ONECUT1: variants seen among roughly 807,000 people sequenced by gnomAD.
The protein encoded by ONECUT1 is one cut homeobox 1.
ONECUT1 carries 12 observed loss-of-function variants against 25.6 expected under a neutral mutation model. The observed-to-expected ratio is 0.47, with a 90% CI of 0.30 to 0.76. The LOEUF (loss-of-function observed/expected upper bound fraction) is 0.76. Ranked by LOEUF, ONECUT1 falls within the 30% of genes least tolerant of loss-of-function variation. The pLI is 0.07. For missense variants in ONECUT1, 620 were observed against 651.2 expected, an observed-to-expected ratio of 0.95 and a Z score of 0.52; for synonymous variants, 285 against 270.2, an observed-to-expected ratio of 1.05 and a Z score of -0.54.
Position 52,789,350 on chromosome 15 carries a change from G to C in ONECUT1, c.535C>G (p.Leu179Val), listed in dbSNP as rs1177841928. The C allele has an allele frequency of 1.9e-6, 3 of 1,599,784 alleles. No homozygotes were observed. The highest frequency in any genetic ancestry group is 2.2e-5 in the East Asian group (1 of 44,626). Residue 179 changes from leucine to valine, a missense_variant, in exon 1 of 2, where the codon CTC becomes GTC. Leu to Val is a conservative substitution (Grantham distance 32, BLOSUM62 1). Around this residue, in one of 4 missense-constraint regions of ONECUT1, gnomAD observed 440 missense variants for 404.9 expected, o/e 1.09. Transcript: ENST00000305901. The surrounding 1 kb of genome is among the most constrained non-coding windows in gnomAD (Gnocchi z 4.1). ...AGACCGGAGCTGGAGAGGGGCGAGA[G>C]GCTCTGGCCCATGCCGGCCACGTCC... ...HKDVAGMGQS[L>V]SPLSSSGLGS...
intron 1 of ONECUT1, among the ~76,000 whole-genome samples, chr15:52,774,386 C>T (rs1183420426): frequency 1.3e-5 from 2 of 152,054 alleles, no homozygotes; most frequent in South Asian, 2.1e-4. Flanking sequence ...TTGCAACCTC[C>T]GCCTCCAGGG....
chr15:52,778,262 T>C (rs1405707056), intron 1 of ONECUT1, among the ~76,000 whole-genome samples: 1 of 152,242 alleles, frequency 6.6e-6, no homozygotes, highest in African/African-American at 2.4e-5. Context: ...CCCTATCCTC[T>C]AAATTTATGT....
At chr15:52,785,946 C>T (rs2083872012) in intron 1 of ONECUT1, 2 of 152,300 alleles carry the variant, frequency 1.3e-5, no homozygotes, top group South Asian at 2.1e-4. Flanking sequence ...GACAGAGGGG[C>T]GTGGAGAAGC....
intron 1 of ONECUT1, among the ~76,000 whole-genome samples, chr15:52,771,597 G>GT (rs35410788): frequency 0.56 from 84,306 of 150,370 alleles, 23,680 homozygotes; most frequent in East Asian, 0.66. Flanking sequence ...AGTAATGTCT[G>GT]TTTTTTTTTA....
At chr15:52,774,360 G>T (rs888585587) in intron 1 of ONECUT1, among the ~76,000 whole-genome samples, 13 of 151,976 alleles carry the variant, frequency 8.6e-5, no homozygotes, top group Admixed American at 1.3e-4. Flanking sequence ...GAGTGCAATG[G>T]CTTGATCTTG....
intron 1 of ONECUT1, among the ~76,000 whole-genome samples, chr15:52,772,895 C>G (rs955939061): frequency 7.2e-5 from 11 of 152,124 alleles, no homozygotes; most frequent in African/African-American, 2.7e-4. Context: ...CATGAGTGCA[C>G]ACACACATAC....
chr15:52,775,896 G>A (rs1207328415), intron 1 of ONECUT1, among the ~76,000 whole-genome samples: 1 of 152,180 alleles, frequency 6.6e-6, no homozygotes, highest in Non-Finnish European at 1.5e-5. Flanking sequence ...CTACTCTGCT[G>A]TTCTCTTTGT....
In ONECUT1 at chr15:52,788,469, G is replaced by A. The variant is rs530316528; in HGVS notation, c.1105+311C>T. ...TGGCGCAGAGTGTCTCACCAGGTGCGGGGATTTCTCTCCGCCTCAGGCCGT... is the reference window on the plus strand; with the variant it reads ...TGGCGCAGAGTGTCTCACCAGGTGCAGGGATTTCTCTCCGCCTCAGGCCGT... On this transcript the variant is annotated intron_variant, in intron 1 of 1. Coordinates refer to ENST00000305901, the MANE Select transcript of ONECUT1 (RefSeq NM_004498.4). The surrounding 1 kb of genome is among the most constrained non-coding windows in gnomAD (Gnocchi z 4.3). 3 of 358,932 alleles carry A rather than the reference G, an allele frequency of 8.4e-6. No homozygotes were observed. The highest frequency in any genetic ancestry group is 8.5e-5 in the East Asian group (2 of 23,560). The allele number at this position is 358,932 out of a possible 1,614,324, so 22.2% of individuals were successfully genotyped here. A position where few individuals can be genotyped will look rare whatever the true frequency, so the allele number is the denominator to read the frequency against.
chr15:52,779,717 T>A (rs889992331), intron 1 of ONECUT1, among the ~76,000 whole-genome samples: 2 of 152,186 alleles, frequency 1.3e-5, no homozygotes, highest in African/African-American at 4.8e-5. Context: ...GCACTCATAA[T>A]TAGGCTATAC....
intron 1 of ONECUT1, among the ~76,000 whole-genome samples, chr15:52,758,342 A>C (rs1039955346): frequency 2.0e-5 from 3 of 152,230 alleles, no homozygotes; most frequent in African/African-American, 2.4e-5. Flanking sequence ...TGCCAGTAGA[A>C]TATTAAGAGC....
intron 1 of ONECUT1, among the ~76,000 whole-genome samples, chr15:52,760,159 C>T (rs1417862025): frequency 6.6e-6 from 1 of 152,116 alleles, no homozygotes; most frequent in Non-Finnish European, 1.5e-5. Flanking sequence ...TGCCTCTTGC[C>T]CACCATGAGG....
intron 1 of ONECUT1, among the ~76,000 whole-genome samples, chr15:52,763,958 G>A (rs944830426): frequency 6.6e-6 from 1 of 152,142 alleles, no homozygotes; most frequent in African/African-American, 2.4e-5. Flanking sequence ...AAACCAACAA[G>A]CTAGTCCTTC....
intron 1 of ONECUT1, among the ~76,000 whole-genome samples, chr15:52,762,215 A>G (rs189619251): frequency 6.6e-6 from 1 of 152,326 alleles, no homozygotes; most frequent in Admixed American, 6.5e-5. Context: ...GGTCCTTGGC[A>G]TTTGGCAGGA....
intron 1 of ONECUT1, chr15:52,787,689 C>G (rs73411668): frequency 6.6e-6 from 1 of 151,946 alleles, no homozygotes; most frequent in African/African-American, 2.4e-5. Flanking sequence ...ACTTGGCAAC[C>G]GCCGGCCGGA....
chr15:52,770,503 C>G (rs1477891502), intron 1 of ONECUT1, among the ~76,000 whole-genome samples: 1 of 152,172 alleles, frequency 6.6e-6, no homozygotes, highest in Non-Finnish European at 1.5e-5. Flanking sequence ...TGGTCCGGGA[C>G]TGCACTCTGA....
At chr15:52,777,738 A>ACAC (rs1555416123) in intron 1 of ONECUT1, among the ~76,000 whole-genome samples, 1,152 of 96,896 alleles carry the variant, frequency 0.012, 28 homozygotes, top group African/African-American at 0.063. Flanking sequence ...ACACACACAC[A>ACAC]AAAAAACATG....
rs1268863960 is a variant in ONECUT1, at chr15:52,778,100, C to A, written c.1105+10680G>T. Among the ~76,000 whole-genome samples the A allele has an allele frequency of 5.3e-5, 8 of 152,216 alleles. No homozygotes were observed. The East Asian group carries it at 1.5e-3, about 29-fold the overall frequency. On this transcript the variant is annotated intron_variant, in intron 1 of 1. Transcript: ENST00000305901. ...CTCAATGTTAAAAATAAATAATAATCACTGCCTACCAAACAATATGTATCA... is the reference window on the plus strand; with the variant it reads ...CTCAATGTTAAAAATAAATAATAATAACTGCCTACCAAACAATATGTATCA...
chr15:52,757,690 C>G lies in ONECUT1; in HGVS notation c.1263G>C (p.Gln421His). ...SKELQITISQQLGLELSTVSN... is the reference protein window; with the variant it reads ...SKELQITISQHLGLELSTVSN... ...TGACAGTGCTCAGCTCCAACCCCAG[C>G]TGCTGGGAAATGGTGATTTGCAATT... is the stretch of plus-strand genomic sequence containing the variant. Residue 421 changes from glutamine to histidine, a missense_variant, in exon 2 of 2, where the codon CAG becomes CAC. Physicochemically the swap from Gln to His is conservative, Grantham distance 24. This residue lies in a region of ONECUT1 where 146 missense variants were observed against 201.8 expected (regional missense o/e 0.72). Coordinates refer to ENST00000305901, the MANE Select transcript of ONECUT1 (RefSeq NM_004498.4). The G allele has an allele frequency of 6.2e-7, 1 of 1,614,152 alleles. No homozygotes were observed. The highest frequency in any genetic ancestry group is 1.1e-5 in the South Asian group (1 of 91,080).
intron 1 of ONECUT1, among the ~76,000 whole-genome samples, chr15:52,774,688 A>C (rs2083788906): frequency 6.6e-6 from 1 of 152,228 alleles, no homozygotes; most frequent in Non-Finnish European, 1.5e-5. Flanking sequence ...TATCAAACAA[A>C]TGTTAAAAAA....
Sources: allele counts gnomAD v4.1 joint callset (sites outside exome capture counted in the v4.1 genomes callset), GRCh38; gene constraint gnomAD v4.1.1; regional missense constraint gnomAD v4.1.1; non-coding constraint Gnocchi (gnomAD v3.1); transcripts MANE v1.5; gene names NCBI Gene and HGNC (gene_info 2026-07-23, HGNC 2026-07-21).